Variants in CSMD2 observed in about 807,000 individuals in gnomAD.
CSMD2 encodes CUB and Sushi multiple domains 2, also known as CUB and sushi domain-containing protein 2.
CSMD2 carries 130 observed loss-of-function variants against 398.5 expected under a neutral mutation model. That is an observed-to-expected ratio of 0.33 (90% CI 0.28 to 0.38). The LOEUF (loss-of-function observed/expected upper bound fraction) is 0.38, where lower values mean the gene tolerates loss of function less well. Among genes scored for constraint, CSMD2 ranks in the 10% least tolerant of loss-of-function variants. The pLI is 1.00. For missense variants in CSMD2, 3,829 were observed against 4,764.9 expected, an observed-to-expected ratio of 0.80 and a Z score of 5.78; for synonymous variants, 1,828 against 1,908.5, an observed-to-expected ratio of 0.96 and a Z score of 1.10.
At chr1:33,759,325 T>TTTC (rs201833446) in intron 13 of CSMD2, among the ~76,000 whole-genome samples, 1,313 of 121,096 alleles carry the variant, frequency 0.011, 71 homozygotes, top group African/African-American at 0.038. Flanking sequence ...TTTTTTTTTC[T>TTTC]TTTTTTTTTT....
At chr1:34,086,457 T>C (rs114755819) in intron 2 of CSMD2, among the ~76,000 whole-genome samples, 3,362 of 152,300 alleles carry the variant, frequency 0.022, 51 homozygotes, top group Non-Finnish European at 0.032. Flanking sequence ...TCTAAAATTT[T>C]ATAGGGCCAA....
chr1:34,157,549 A>G (rs958894326), intron 1 of CSMD2, among the ~76,000 whole-genome samples: 1 of 148,840 alleles, frequency 6.7e-6, no homozygotes, highest in African/African-American at 2.5e-5. Context: ...CTCGACCCCA[A>G]CTCCACCCAC....
chr1:33,906,838 C>T (rs1643118674), intron 5 of CSMD2, among the ~76,000 whole-genome samples: 2 of 151,802 alleles, frequency 1.3e-5, no homozygotes, highest in Admixed American at 6.6e-5. Context: ...GTAAGACTAC[C>T]CTGGGAGATG....
intron 26 of CSMD2, among the ~76,000 whole-genome samples, chr1:33,660,059 A>G (rs1389250024): frequency 1.3e-5 from 2 of 152,220 alleles, no homozygotes; most frequent in African/African-American, 2.4e-5. Flanking sequence ...AAAATAGCTC[A>G]TTGTTCTGGC....
chr1:34,114,974 G>A (rs570651549), intron 1 of CSMD2, among the ~76,000 whole-genome samples: 1 of 151,902 alleles, frequency 6.6e-6, no homozygotes, highest in African/African-American at 2.4e-5. Context: ...TTTACTGGAG[G>A]GGTTCAATAA....
chr1:33,987,872 C>T (rs1321317590), intron 3 of CSMD2, among the ~76,000 whole-genome samples: 1 of 152,166 alleles, frequency 6.6e-6, no homozygotes, highest in African/African-American at 2.4e-5. Context: ...TTTCTCCCAG[C>T]CCCCACATCT....
At chr1:34,131,777 C>G (rs1439293685) in intron 1 of CSMD2, among the ~76,000 whole-genome samples, 1 of 152,204 alleles carries the variant, frequency 6.6e-6, no homozygotes, top group Non-Finnish European at 1.5e-5. Flanking sequence ...AGTCTCCAGT[C>G]AGGGGGTTCT....
chr1:34,054,881 A>G (rs531842762), intron 2 of CSMD2, among the ~76,000 whole-genome samples: 62 of 152,208 alleles, frequency 4.1e-4, no homozygotes, highest in Non-Finnish European at 8.5e-4. Flanking sequence ...AGGAGAGGTG[A>G]TGATTCCAGT....
At position 33,918,267 on chromosome 1, in the gene CSMD2, C is replaced by G; in HGVS notation, c.747G>C (p.Gln249His). The change falls in exon 5 of 71, where the codon CAG becomes CAC. Residue 249 changes from glutamine (Q) to histidine (H), a missense_variant. Gln to His is a conservative substitution (Grantham distance 24). Transcript: ENST00000373381. ...DDACGGTLRG[Q>H]SGIISSPHFP... is the part of the protein sequence containing the mutation. ...AGTGGGGGCTGGAGATGATGCCACT[C>G]TGGCCCCGCAGGGTCCCACCACAGG... 1 of 1,614,064 alleles carries G rather than the reference C, an allele frequency of 6.2e-7. No individual in the cohort carries two copies. The highest frequency in any genetic ancestry group is 8.5e-7 in the Non-Finnish European group (1 of 1,180,024).
At chr1:33,738,653 C>T (rs1446938193) in intron 15 of CSMD2, among the ~76,000 whole-genome samples, 2 of 152,040 alleles carry the variant, frequency 1.3e-5, no homozygotes, top group African/African-American at 4.8e-5. Context: ...TGGAGACTGA[C>T]CACAAGGATA....
At chr1:33,912,827 T>C (rs1643526108) in intron 5 of CSMD2, among the ~76,000 whole-genome samples, 1 of 152,152 alleles carries the variant, frequency 6.6e-6, no homozygotes, top group African/African-American at 2.4e-5. Context: ...TTTTGCTTTT[T>C]AGACAGAGTC....
chr1:33,699,610 T>G (rs994588610), intron 23 of CSMD2, among the ~76,000 whole-genome samples: 3 of 152,252 alleles, frequency 2.0e-5, no homozygotes, highest in Non-Finnish European at 4.4e-5. Context: ...AAGGATCCTC[T>G]GCCAGGCAGC....
At chr1:33,924,003 C>T (rs1197619632) in intron 4 of CSMD2, among the ~76,000 whole-genome samples, 1 of 152,202 alleles carries the variant, frequency 6.6e-6, no homozygotes, top group Non-Finnish European at 1.5e-5. Context: ...TCATGCCCTA[C>T]ATCCTCCAAT....
chr1:34,001,762 G>C (rs1319866625), intron 3 of CSMD2, among the ~76,000 whole-genome samples: 2 of 152,148 alleles, frequency 1.3e-5, no homozygotes, highest in Non-Finnish European at 2.9e-5. Flanking sequence ...GGATTGTACA[G>C]AATGGAATAT....
At position 34,036,131 on chromosome 1, in the gene CSMD2, A is replaced by C. The variant is rs79379940; in HGVS notation, c.405-3425T>G. ...TGGCAGTTTCTTTAAGAAAAAAAAA[A>C]CCACATAACTATACAACTCAGCAAT... On this transcript the variant is annotated intron_variant, in intron 2 of 70. Coordinates refer to ENST00000373381, the MANE Select transcript of CSMD2 (RefSeq NM_001281956.2). Among the ~76,000 whole-genome samples the C allele has an allele frequency of 5.3e-4, 80 of 152,266 alleles. No homozygotes were observed. The East Asian group carries it at 7.5e-3, about 14-fold the overall frequency.
intron 5 of CSMD2, among the ~76,000 whole-genome samples, chr1:33,896,785 C>T (rs1280226773): frequency 6.6e-6 from 1 of 152,084 alleles, no homozygotes; most frequent in African/African-American, 2.4e-5. Context: ...GGGAAGGCCT[C>T]ACTGTGCATA....
intron 23 of CSMD2, 77 bp downstream of exon 23, chr1:33,700,440 G>C: frequency 6.7e-7 from 1 of 1,497,900 alleles, no homozygotes; most frequent in Non-Finnish European, 9.2e-7. Flanking sequence ...TATCTCGTGA[G>C]CAAGCAGAAG....
intron 5 of CSMD2, among the ~76,000 whole-genome samples, chr1:33,899,089 G>A (rs779809090): frequency 6.6e-6 from 1 of 152,226 alleles, no homozygotes; most frequent in South Asian, 2.1e-4. Flanking sequence ...CGAGAAGGAC[G>A]TGACGGATGT....
chr1:33,969,732 C>T (rs1254019624), intron 3 of CSMD2, among the ~76,000 whole-genome samples: 1 of 152,118 alleles, frequency 6.6e-6, no homozygotes, highest in African/African-American at 2.4e-5. Context: ...TGGCTGGCTC[C>T]TTAGATGAAT....
Sources: allele counts gnomAD v4.1 joint callset (sites outside exome capture counted in the v4.1 genomes callset), GRCh38; gene constraint gnomAD v4.1.1; transcripts MANE v1.5; gene names NCBI Gene and HGNC (gene_info 2026-07-23, HGNC 2026-07-21).